PDE1C: variants seen among roughly 807,000 people sequenced by gnomAD.
PDE1C encodes dual specificity calcium/calmodulin-dependent 3',5'-cyclic nucleotide phosphodiesterase 1C.
PDE1C carries 62 observed loss-of-function variants against 93.1 expected under a neutral mutation model. The observed-to-expected ratio is 0.67, with a 90% CI of 0.54 to 0.82. The LOEUF (loss-of-function observed/expected upper bound fraction) is 0.82. PDE1C is among the 40% of genes least tolerant of loss of function. The pLI is 0.00. For synonymous variants in PDE1C, 325 were observed against 310.1 expected (o/e 1.05, Z -0.50); for missense variants, 742 against 884.6 (o/e 0.84, Z 2.04).
rs560317937 is a variant in PDE1C, at chr7:31,955,801, A to G, written c.129-74941T>C. ...TACTGATTTACCATGTGGCTCCCAC[A>G]AGAGTCCCGCCTGCCAGTGCTACGT... On this transcript the variant is annotated intron_variant, in intron 2 of 17. Coordinates refer to ENST00000396191, the MANE Select transcript of PDE1C (RefSeq NM_001191057.4). 4.4e-3 allele frequency among the ~76,000 whole-genome samples: 672 copies of G among 152,340 alleles called. 2 individuals carry two copies. The highest frequency in any genetic ancestry group is 0.016 in the African/African-American group (647 of 41,580).
At chr7:32,290,010 C>T (rs926861599) in intron 1 of PDE1C, among the ~76,000 whole-genome samples, 2 of 152,206 alleles carry the variant, frequency 1.3e-5, no homozygotes, top group African/African-American at 4.8e-5. Context: ...CCAGAAGACA[C>T]TGCCTTCCAC....
At chr7:32,371,589 G>A (rs1020261155) in intron 1 of PDE1C, among the ~76,000 whole-genome samples, 1 of 152,166 alleles carries the variant, frequency 6.6e-6, no homozygotes, top group Non-Finnish European at 1.5e-5. Flanking sequence ...TGGCCATTGA[G>A]TTAATAAAAC....
the PDE1C span, among the ~76,000 whole-genome samples, chr7:31,628,650 G>GA: frequency 6.6e-6 from 1 of 151,940 alleles, no homozygotes; most frequent in African/African-American, 2.4e-5. Flanking sequence ...TAGAGACAGG[G>GA]TTTCACCGTG....
chr7:31,847,896 A>G, intron 9 of PDE1C, 72 bp downstream of exon 9: 1 of 1,535,044 alleles, frequency 6.5e-7, no homozygotes, highest in Non-Finnish European at 9.0e-7. Context: ...TCTTTTCTCA[A>G]AAACAGCATA....
At chr7:32,291,491 T>C (rs1382085293) in intron 1 of PDE1C, among the ~76,000 whole-genome samples, 3 of 152,248 alleles carry the variant, frequency 2.0e-5, no homozygotes, top group Non-Finnish European at 1.5e-5. Context: ...ATCTGATAGT[T>C]AGCATATAGG....
intron 3 of PDE1C, among the ~76,000 whole-genome samples, chr7:32,162,910 A>T (rs890463827): frequency 1.3e-5 from 2 of 152,154 alleles, no homozygotes; most frequent in African/African-American, 4.8e-5. Context: ...CCTCATATAT[A>T]CTTGGTCATT....
chr7:31,827,353 T>G (rs535353987), intron 12 of PDE1C, among the ~76,000 whole-genome samples: 1 of 152,160 alleles, frequency 6.6e-6, no homozygotes, highest in Non-Finnish European at 1.5e-5. Flanking sequence ...AATTCAAATA[T>G]TATCCCTTAA....
At chr7:31,778,457 G>C (rs1438380961) in intron 16 of PDE1C, among the ~76,000 whole-genome samples, 2 of 152,110 alleles carry the variant, frequency 1.3e-5, no homozygotes. Context: ...TTGTGGTGGG[G>C]GCTGTCCTGT....
chr7:32,206,701 C>T (rs118097137), intron 2 of PDE1C, among the ~76,000 whole-genome samples: 2 of 152,344 alleles, frequency 1.3e-5, no homozygotes, highest in Non-Finnish European at 2.9e-5. Flanking sequence ...ATGCAGTACC[C>T]ACATGAGGTA....
chr7:31,650,093 G>T, the PDE1C span, among the ~76,000 whole-genome samples: 1 of 152,200 alleles, frequency 6.6e-6, no homozygotes, highest in African/African-American at 2.4e-5. Context: ...AGAGACCGGG[G>T]ACAGAGGCCC....
At chr7:31,744,500 T>A in the PDE1C span, among the ~76,000 whole-genome samples, 2 of 152,162 alleles carry the variant, frequency 1.3e-5, no homozygotes, top group Non-Finnish European at 2.9e-5. Flanking sequence ...AAGAAGTGAC[T>A]GTGAGCGTAT....
intron 2 of PDE1C, among the ~76,000 whole-genome samples, chr7:31,935,490 T>C (rs1804918443): frequency 6.6e-6 from 1 of 151,960 alleles, no homozygotes; most frequent in South Asian, 2.1e-4. Context: ...ATAAATAAGC[T>C]CTCAGGACAA....
chr7:31,799,285 C>T (rs575209032), intron 16 of PDE1C, among the ~76,000 whole-genome samples: 1 of 151,844 alleles, frequency 6.6e-6, no homozygotes, highest in South Asian at 2.1e-4. Context: ...ACCTCCACAT[C>T]TGTACAGGCC....
intron 1 of PDE1C, among the ~76,000 whole-genome samples, chr7:32,269,464 TGTTTC>T (rs1193891710): frequency 1.1e-4 from 16 of 151,828 alleles, no homozygotes; most frequent in East Asian, 5.8e-4. Context: ...TGTTTTGTTT[TGTTTC>T]GTTTTTCGGT....
intron 3 of PDE1C, among the ~76,000 whole-genome samples, chr7:32,112,114 A>ATG (rs1322297044): frequency 6.6e-6 from 1 of 152,174 alleles, no homozygotes; most frequent in East Asian, 1.9e-4. Flanking sequence ...ATTGAAGAGC[A>ATG]CGTGTCTCTC....
At chr7:32,197,282 T>C (rs1804691908) in intron 2 of PDE1C, among the ~76,000 whole-genome samples, 1 of 152,162 alleles carries the variant, frequency 6.6e-6, no homozygotes, top group South Asian at 2.1e-4. Context: ...GTTAAATTTA[T>C]TTAAATAACC....
the PDE1C span, among the ~76,000 whole-genome samples, chr7:31,721,532 G>A: frequency 6.6e-6 from 1 of 152,238 alleles, no homozygotes; most frequent in Non-Finnish European, 1.5e-5. Flanking sequence ...TTGGGAGGTT[G>A]TGGATGGACA....
At chr7:32,267,165 G>A (rs1357701098) in intron 1 of PDE1C, among the ~76,000 whole-genome samples, 3 of 152,340 alleles carry the variant, frequency 2.0e-5, no homozygotes, top group Non-Finnish European at 4.4e-5. Context: ...CCTGTCGTTA[G>A]AGACCCGACC....
At chr7:31,678,511 C>T in the PDE1C span, among the ~76,000 whole-genome samples, 5 of 151,946 alleles carry the variant, frequency 3.3e-5, no homozygotes, top group African/African-American at 1.2e-4. Flanking sequence ...CTGAAGTTTA[C>T]CATTCATGGG....
Sources: allele counts gnomAD v4.1 joint callset (sites outside exome capture counted in the v4.1 genomes callset), GRCh38; gene constraint gnomAD v4.1.1; transcripts MANE v1.5; gene names NCBI Gene and HGNC (gene_info 2026-07-23, HGNC 2026-07-21).